The following PTPRE variants were observed in gnomAD, a reference collection of about 807,000 sequenced individuals.
PTPRE encodes protein tyrosine phosphatase receptor type E, also known as receptor-type tyrosine-protein phosphatase epsilon.
In PTPRE, 51 loss-of-function variants were observed where a neutral mutation model predicts 102.0. The ratio of observed to expected loss-of-function variants is 0.50; its 90% CI spans 0.40 to 0.63. The LOEUF is 0.63. Among genes scored for constraint, PTPRE ranks in the 30% least tolerant of loss-of-function variants. The pLI is 0.00. For missense variants in PTPRE, 752 were observed against 915.1 expected (o/e 0.82, Z 2.30); for synonymous variants, 345 against 348.2 (o/e 0.99, Z 0.10).
intron 2 of PTPRE, among the ~76,000 whole-genome samples, chr10:127,991,487 C>T (rs185486809): frequency 1.3e-5 from 2 of 152,270 alleles, no homozygotes; most frequent in Admixed American, 6.5e-5. Context: ...GGTGTTTAAC[C>T]TGACCTAGGC....
intron 2 of PTPRE, among the ~76,000 whole-genome samples, chr10:128,040,301 G>A (rs1015381211): frequency 3.3e-5 from 5 of 152,180 alleles, no homozygotes; most frequent in Admixed American, 6.5e-5. Context: ...CTGGAGCAGC[G>A]AAGAACAGAG....
Position 128,042,042 on chromosome 10 carries a change from T to G in PTPRE, c.109+1052T>G, listed in dbSNP as rs75689029. ...TCTTCATGTTGAAACCTCAGAGAAATCCAAAACCCCAAAAATGAGAGACCA... is the reference window on the plus strand; with the variant it reads ...TCTTCATGTTGAAACCTCAGAGAAAGCCAAAACCCCAAAAATGAGAGACCA... On this transcript the variant is annotated intron_variant, in intron 3 of 20. Transcript: ENST00000254667. Among the ~76,000 whole-genome samples the G allele has an allele frequency of 7.4e-3, 1,128 of 152,162 alleles. 43 individuals are homozygous for G. The East Asian group carries it at 0.11, about 15-fold the overall frequency.
At chr10:128,060,600 C>T (rs916497204) in intron 7 of PTPRE, among the ~76,000 whole-genome samples, 7 of 152,170 alleles carry the variant, frequency 4.6e-5, no homozygotes, top group Admixed American at 2.0e-4. Flanking sequence ...TAAAATACAG[C>T]CCTTGCACTG....
intron 5 of PTPRE, among the ~76,000 whole-genome samples, chr10:128,049,172 GGAGA>G (rs1848343736): frequency 6.6e-6 from 1 of 152,164 alleles, no homozygotes; most frequent in Admixed American, 6.5e-5. Context: ...AAGCTGAGCT[GGAGA>G]GTGAGGCCGT....
intron 1 of PTPRE, among the ~76,000 whole-genome samples, chr10:127,952,965 T>C (rs1849144615): frequency 6.6e-6 from 1 of 152,160 alleles, no homozygotes; most frequent in Non-Finnish European, 1.5e-5. Context: ...TTTCTAGGGG[T>C]CCAGTGGTAT....
In PTPRE at chr10:127,934,333, T is replaced by A. The variant is rs1183548091; in HGVS notation, c.-31+27024T>A. 2.0e-5 allele frequency: 3 copies of A among 152,132 alleles called. No homozygotes were observed. In the East Asian group the frequency reaches 5.8e-4, roughly 29 times the overall value. The allele number at this position is 152,132 out of a possible 1,614,324, so 9.4% of individuals were successfully genotyped here. On this transcript the variant is annotated intron_variant, in intron 1 of 20. Coordinates refer to ENST00000254667, the MANE Select transcript of PTPRE (RefSeq NM_006504.6). ...ATTAAGGTGATATTCTTGTCCTTCA[T>A]GTGTTAGAATATCTATTTGCTTTGA...
chr10:128,009,949 A>C lies in PTPRE; in HGVS notation c.-8+27653A>C, dbSNP rs536669005. 3.9e-5 allele frequency among the ~76,000 whole-genome samples: 6 copies of C among 152,278 alleles called. No individual in the cohort carries two copies. In the East Asian group the frequency reaches 1.2e-3, roughly 29 times the overall value. The stretch of plus-strand genomic sequence containing the variant: ...ACCCTTATGAGAGAAAGCAGGCAAG[A>C]CTGATAATTGCACTGAGCAATGACC... On this transcript the variant is annotated intron_variant, in intron 2 of 20. Coordinates refer to ENST00000254667, the MANE Select transcript of PTPRE (RefSeq NM_006504.6).
At chr10:127,962,533 G>A (rs367924875) in intron 1 of PTPRE, among the ~76,000 whole-genome samples, 1 of 152,204 alleles carries the variant, frequency 6.6e-6, no homozygotes, top group Non-Finnish European at 1.5e-5. Flanking sequence ...TCGATGGAGT[G>A]TGCCCTGGTG....
In PTPRE at chr10:128,035,068, C is replaced by T. The variant is rs187926541; in HGVS notation, c.-7-5807C>T. On this transcript the variant is annotated intron_variant, in intron 2 of 20. Coordinates refer to ENST00000254667, the MANE Select transcript of PTPRE (RefSeq NM_006504.6). ...GCATGATCTCGGCTATTGCAACCTC[C>T]GCTTCCCAAGCTCAAGTGATCCTCC... 6.0e-3 allele frequency among the ~76,000 whole-genome samples: 907 copies of T among 152,152 alleles called. 7 individuals carry two copies. Among genetic ancestry groups the T allele is most frequent in the Non-Finnish European group, 9.4e-3 (636 of 68,008 alleles).
chr10:128,011,249 CTT>C (rs1844984759), intron 2 of PTPRE, among the ~76,000 whole-genome samples: 1 of 152,158 alleles, frequency 6.6e-6, no homozygotes, highest in Non-Finnish European at 1.5e-5. Flanking sequence ...GTGAGGATGA[CTT>C]TTGGGAATTC....
At position 128,049,633 on chromosome 10, in the gene PTPRE, C is replaced by T. The variant is rs186161451; in HGVS notation, c.387C>T (p.Ala129=). The change falls in exon 6 of 21, where the codon GCC becomes GCT. Residue 129 remains alanine (A), a synonymous_variant. Transcript: ENST00000254667. ...HLEEEIRIRS[A]DDCKQFREEF... ...AGGAGGAGATCCGTATCAGATCCGCCGACGACTGCAAGCAGTTTCGGGAGG... is the reference window on the plus strand; with the variant it reads ...AGGAGGAGATCCGTATCAGATCCGCTGACGACTGCAAGCAGTTTCGGGAGG... The T allele has an allele frequency of 2.1e-4, 333 of 1,613,926 alleles. 1 individual carries two copies. In the East Asian group the frequency reaches 3.1e-3, roughly 15 times the overall value.
chr10:128,048,531 C>A (rs527408240), intron 5 of PTPRE, among the ~76,000 whole-genome samples: 1 of 152,110 alleles, frequency 6.6e-6, no homozygotes, highest in South Asian at 2.1e-4. Flanking sequence ...TAAAACGGAC[C>A]CTTAGATCAT....
At chr10:127,917,854 A>G (rs1244539233) in intron 1 of PTPRE, among the ~76,000 whole-genome samples, 1 of 151,942 alleles carries the variant, frequency 6.6e-6, no homozygotes, top group East Asian at 1.9e-4. Context: ...ACATAGTGAA[A>G]CCCCATCTCT....
At chr10:127,995,842 C>T in intron 2 of PTPRE, among the ~76,000 whole-genome samples, 1 of 149,292 alleles carries the variant, frequency 6.7e-6, no homozygotes, top group Non-Finnish European at 1.5e-5. Context: ...CACACACACA[C>T]ACACACACAC....
At chr10:128,020,045 T>TGTGG (rs1554923820) in intron 2 of PTPRE, among the ~76,000 whole-genome samples, 14 of 116,218 alleles carry the variant, frequency 1.2e-4, no homozygotes, top group Non-Finnish European at 7.7e-5. Flanking sequence ...TGTGTGTGTG[T>TGTGG]GCACGCGCGC....
intron 2 of PTPRE, among the ~76,000 whole-genome samples, chr10:128,038,779 A>G (rs1051770729): frequency 6.6e-6 from 1 of 152,198 alleles, no homozygotes; most frequent in African/African-American, 2.4e-5. Context: ...CACGTTGTGC[A>G]CATGTACCCT....
intron 2 of PTPRE, among the ~76,000 whole-genome samples, chr10:128,010,376 T>C (rs1396626440): frequency 4.6e-5 from 7 of 152,170 alleles, no homozygotes; most frequent in African/African-American, 1.4e-4. Flanking sequence ...AATTTTTTCT[T>C]GCCTGAGAAA....
Position 128,061,676 on chromosome 10 carries a change from T to C in PTPRE, c.589-3T>C, listed in dbSNP as rs375258276. On this transcript the variant is annotated splice_region_variant and splice_polypyrimidine_tract_variant and intron_variant, in intron 8 of 20. Coordinates refer to ENST00000254667, the MANE Select transcript of PTPRE (RefSeq NM_006504.6). Reference sequence around the variant, plus strand: ...AATATAAATCTGATGTTATTTTTTCTAGGGTTACAAAGAGAAGAATAAATT... The same window carrying C: ...AATATAAATCTGATGTTATTTTTTCCAGGGTTACAAAGAGAAGAATAAATT... 57 of 1,580,422 alleles carry C rather than the reference T, an allele frequency of 3.6e-5. No homozygotes were observed. In the African/African-American group the frequency reaches 6.1e-4, roughly 17 times the overall value.
rs1212639895 is a variant in PTPRE, at chr10:128,079,546, C to T, written c.1893-14C>T. On this transcript the variant is annotated splice_polypyrimidine_tract_variant and intron_variant, in intron 19 of 20. Transcript: ENST00000254667. ...CAAGTCGGATGATCTGCATTAAGCG[C>T]TTTTTCTCTGCAGTGCCGGAGCTGG... The T allele has an allele frequency of 1.2e-6, 2 of 1,612,862 alleles. No homozygotes were observed. Among genetic ancestry groups the T allele is most frequent in the Non-Finnish European group, 1.7e-6 (2 of 1,179,604 alleles).
Sources: gnomAD v4.1 joint callset for allele counts (sites outside exome capture counted in the v4.1 genomes callset) on GRCh38, gnomAD v4.1.1 for gene constraint, MANE v1.5 for transcripts, NCBI Gene and HGNC (gene_info 2026-07-23, HGNC 2026-07-21) for gene names.